CCDC88A: variants seen among roughly 807,000 people sequenced by gnomAD.
The protein encoded by CCDC88A is girdin.
Under a neutral mutation model 234.3 loss-of-function variants are expected in CCDC88A, and 54 were observed. The ratio of observed to expected loss-of-function variants is 0.23; its 90% confidence interval spans 0.19 to 0.29. CCDC88A has a LOEUF of 0.29. Among genes scored for constraint, CCDC88A ranks in the 10% least tolerant of loss-of-function variants. The pLI, the probability that CCDC88A is intolerant of heterozygous loss-of-function variation, is 1.00. For missense variants in CCDC88A, 1,832 were observed against 2,123.4 expected, an observed-to-expected ratio of 0.86 and a Z score of 2.70; for synonymous variants, 753 against 737.8, an observed-to-expected ratio of 1.02 and a Z score of -0.33.
At chr2:55,368,634 T>G (rs759535444) in intron 5 of CCDC88A, among the ~76,000 whole-genome samples, 8 of 152,122 alleles carry the variant, frequency 5.3e-5, no homozygotes, top group Non-Finnish European at 1.2e-4. Context: ...CTATTTCTTT[T>G]CATGAATATA....
intron 23 of CCDC88A, among the ~76,000 whole-genome samples, chr2:55,310,875 TATC>T (rs781206050): frequency 5.3e-5 from 8 of 152,188 alleles, no homozygotes; most frequent in Non-Finnish European, 1.0e-4. Context: ...CTTGTTGAAA[TATC>T]ATTAAGAACC....
In CCDC88A at chr2:55,334,192, T is replaced by G. The variant is rs1219202133; in HGVS notation, c.2629A>C (p.Lys877Gln). The G allele has an allele frequency of 1.4e-6, 2 of 1,411,372 alleles. No homozygotes were observed. Among genetic ancestry groups the G allele is most frequent in the African/African-American group, 3.0e-5 (2 of 67,528 alleles). 87.4% of individuals were successfully genotyped at this position (1,411,372 alleles called of 1,614,324 possible). A position where few individuals can be genotyped will look rare whatever the true frequency, so the allele number is the denominator to read the frequency against. The part of the protein sequence containing the change: ...KTLSKEIGIY[K>Q]ESCVRLKELE... Reference sequence around the variant, plus strand: ...TCTTTCAGACGGACACAAGATTCTTTATATATACCAATTTCTTTGGATAGG... The same window carrying G: ...TCTTTCAGACGGACACAAGATTCTTGATATATACCAATTTCTTTGGATAGG... Residue 877 changes from lysine (K) to glutamine (Q), a missense_variant, in exon 15 of 33, where the codon AAA becomes CAA. Lys to Gln is a moderately conservative substitution (Grantham distance 53, BLOSUM62 1). Coordinates refer to ENST00000436346, the MANE Select transcript of CCDC88A (RefSeq NM_001365480.1). This position sits in a 1 kb window ranked among gnomAD's most constrained non-coding sequence, Gnocchi z 6.1.
chr2:55,410,094 G>C (rs1044882698), intron 2 of CCDC88A, among the ~76,000 whole-genome samples: 9 of 152,036 alleles, frequency 5.9e-5, no homozygotes, highest in Non-Finnish European at 1.0e-4. Flanking sequence ...GCAATTTCTT[G>C]CCCAAGCACT....
chr2:55,292,420 T>A lies in CCDC88A; in HGVS notation c.5552-645A>T, dbSNP rs377743217. 4 of 152,232 alleles carry A rather than the reference T, an allele frequency of 2.6e-5. No homozygotes were observed. The East Asian group carries it at 5.8e-4, about 22-fold the overall frequency. The allele number at this position is 152,232 out of a possible 1,614,324, so 9.4% of individuals were successfully genotyped here. A position where few individuals can be genotyped will look rare whatever the true frequency, so the allele number is the denominator to read the frequency against. ...AGTCAGAGTTGTTTCACTTTTACTT[T>A]AAATGAAATTCATTTTTTAAAATTT... On this transcript the variant is annotated intron_variant, in intron 31 of 32. Coordinates refer to ENST00000436346, the MANE Select transcript of CCDC88A (RefSeq NM_001365480.1).
At chr2:55,402,860 T>C (rs1350970710) in intron 2 of CCDC88A, among the ~76,000 whole-genome samples, 1 of 150,894 alleles carries the variant, frequency 6.6e-6, no homozygotes, top group East Asian at 1.9e-4. Flanking sequence ...ATACAAAAAA[T>C]TAGCCAGGCG....
intron 2 of CCDC88A, chr2:55,403,773 T>C (rs1166586374): frequency 1.3e-5 from 2 of 152,240 alleles, no homozygotes; most frequent in Non-Finnish European, 2.9e-5. Flanking sequence ...ATCTAGAACA[T>C]TCACTTACAT....
chr2:55,344,320 G>C lies in CCDC88A; in HGVS notation c.1188+48C>G. 2.2e-6 allele frequency: 3 copies of C among 1,370,596 alleles called. No individual in the cohort carries two copies. The South Asian group carries it at 4.9e-5, about 22-fold the overall frequency. 84.9% of individuals were successfully genotyped at this position (1,370,596 alleles called of 1,614,324 possible). ...ATACAGGGAAATCAGCTGAATCTTA[G>C]AAGTTTTCCTTAAAGGCCATGTAAC... On this transcript the variant is annotated intron_variant, in intron 11 of 32. Transcript: ENST00000436346.
intron 2 of CCDC88A, among the ~76,000 whole-genome samples, chr2:55,398,976 T>G (rs1435235737): frequency 1.3e-5 from 2 of 152,112 alleles, no homozygotes; most frequent in Non-Finnish European, 2.9e-5. Flanking sequence ...ATTAGTAGCT[T>G]CGGAAAAATA....
At chr2:55,302,986 A>G (rs1681080888) in intron 26 of CCDC88A, 83 bp downstream of exon 26, 3 of 884,686 alleles carry the variant, frequency 3.4e-6, no homozygotes, top group Non-Finnish European at 5.5e-6. Context: ...AAATTGGCAC[A>G]GTCCAGAGAA....
chr2:55,409,661 C>T (rs1468567595), intron 2 of CCDC88A, among the ~76,000 whole-genome samples: 3 of 152,034 alleles, frequency 2.0e-5, no homozygotes, highest in African/African-American at 7.2e-5. Flanking sequence ...CTGAGTCCAA[C>T]TCCGGCCCTC....
chr2:55,390,053 A>AAAAAAACAAAAAAAAAAAAAAAAG (rs377022377), intron 2 of CCDC88A, among the ~76,000 whole-genome samples: 1 of 79,770 alleles, frequency 1.3e-5, no homozygotes, highest in Non-Finnish European at 2.3e-5. Flanking sequence ...AAAAAAATAA[A>AAAAAAACAAAAAAAAAAAAAAAAG]AAATAAAGAT....
intron 17 of CCDC88A, among the ~76,000 whole-genome samples, chr2:55,325,564 T>C (rs960631606): frequency 2.0e-5 from 3 of 152,202 alleles, no homozygotes; most frequent in Non-Finnish European, 4.4e-5. Flanking sequence ...CAGTACAGCA[T>C]TTAATAGAAA....
intron 3 of CCDC88A, among the ~76,000 whole-genome samples, chr2:55,385,847 CAT>C (rs1488852220): frequency 0.031 from 1,489 of 47,552 alleles, 498 homozygotes; most frequent in Non-Finnish European, 0.039. Flanking sequence ...AGTGAAACTC[CAT>C]GTCAAAAAAA....
intron 3 of CCDC88A, 56 bp from the exon 4 acceptor site, chr2:55,374,939 C>A (rs1413344832): frequency 2.2e-5 from 23 of 1,026,818 alleles, no homozygotes; most frequent in Non-Finnish European, 3.3e-5. Flanking sequence ...GATAATTATT[C>A]ATCAAGCTAT....
chr2:55,368,333 T>C (rs982797533), intron 5 of CCDC88A, among the ~76,000 whole-genome samples: 1 of 152,222 alleles, frequency 6.6e-6, no homozygotes, highest in African/African-American at 2.4e-5. Flanking sequence ...GTAAGATCTT[T>C]GGATAATGGT....
chr2:55,414,682 A>G (rs1217288441), intron 2 of CCDC88A, among the ~76,000 whole-genome samples: 1 of 151,542 alleles, frequency 6.6e-6, no homozygotes, highest in African/African-American at 2.4e-5. Flanking sequence ...CTTCACTTTC[A>G]GAGTCTGGGT....
At chr2:55,295,200 C>T in intron 31 of CCDC88A, 3 of 1,316,286 alleles carry the variant, frequency 2.3e-6, no homozygotes, top group Non-Finnish European at 3.0e-6. Context: ...GTTACTGTTA[C>T]TAGGGTTCTG....
chr2:55,356,392 T>C (rs1010739760), intron 7 of CCDC88A: 4 of 151,982 alleles, frequency 2.6e-5, no homozygotes, highest in African/African-American at 9.7e-5. Context: ...CTTTATCCAA[T>C]CTATCATTGA....
intron 16 of CCDC88A, chr2:55,329,366 TCAC>T (rs2104670187): frequency 6.6e-6 from 1 of 152,374 alleles, no homozygotes; most frequent in African/African-American, 2.4e-5. Flanking sequence ...TATGAGAGTT[TCAC>T]CACATTCTTT....
Sources: allele counts gnomAD v4.1 joint callset (sites outside exome capture counted in the v4.1 genomes callset), GRCh38; gene constraint gnomAD v4.1.1; non-coding constraint Gnocchi (gnomAD v3.1); transcripts MANE v1.5; gene names NCBI Gene and HGNC (gene_info 2026-07-23, HGNC 2026-07-21).